The following TAOK1 variants were observed in gnomAD, a reference collection of about 807,000 sequenced individuals.
TAOK1 encodes serine/threonine-protein kinase TAO1.
A neutral mutation model predicts 138.3 loss-of-function variants in TAOK1; 21 were observed. The observed-to-expected ratio is 0.15, with a 90% confidence interval of 0.11 to 0.22. TAOK1 has a LOEUF of 0.22. Ranked by LOEUF, TAOK1 falls within the 10% of genes least tolerant of loss-of-function variation. The probability of loss-of-function intolerance (pLI) is 1.00; values close to 1 mark genes in which losing one functional copy is unlikely to be tolerated. For synonymous variants in TAOK1, 361 were observed against 398.4 expected (o/e 0.91, Z 1.12); for missense variants, 651 against 1,227.7 (o/e 0.53, Z 7.02).
At chr17:29,532,230 C>T (rs924042393) in intron 18 of TAOK1, among the ~76,000 whole-genome samples, 4 of 152,052 alleles carry the variant, frequency 2.6e-5, no homozygotes, top group Admixed American at 1.3e-4. Context: ...ACAAAACAGG[C>T]GCCTGCTCAT....
chr17:29,481,093 G>A (rs1202870674), intron 7 of TAOK1, among the ~76,000 whole-genome samples: 2 of 151,608 alleles, frequency 1.3e-5, no homozygotes, highest in African/African-American at 4.8e-5. Context: ...TATTGTGGCA[G>A]ATAATTTTCT....
At chr17:29,478,930 G>C (rs1390183990) in intron 6 of TAOK1, among the ~76,000 whole-genome samples, 1 of 152,102 alleles carries the variant, frequency 6.6e-6, no homozygotes, top group African/African-American at 2.4e-5. Context: ...AGACCAGCCT[G>C]GCCAACCAAT....
chr17:29,423,630 G>C (rs1454699228), intron 1 of TAOK1, among the ~76,000 whole-genome samples: 1 of 152,042 alleles, frequency 6.6e-6, no homozygotes, highest in Non-Finnish European at 1.5e-5. Context: ...TGTGTATTTA[G>C]AAGTGTGTTG....
chr17:29,517,666 A>G lies in TAOK1; in HGVS notation c.1908+10A>G, dbSNP rs546953467. The G allele has an allele frequency of 3.2e-6, 5 of 1,585,002 alleles. No individual in the cohort carries two copies. Among genetic ancestry groups the G allele is most frequent in the Admixed American group, 1.8e-5 (1 of 54,596 alleles). ...GGACCTTGTCAGGGAGGTAAGTTTG[A>G]GTGATGAGAAATTTTAAATCCTTTA... On this transcript the variant is annotated intron_variant, in intron 16 of 19. Coordinates refer to ENST00000261716, the MANE Select transcript of TAOK1 (RefSeq NM_020791.4).
intron 13 of TAOK1, among the ~76,000 whole-genome samples, chr17:29,504,484 C>G (rs1271367330): frequency 6.6e-6 from 1 of 151,672 alleles, no homozygotes; most frequent in East Asian, 1.9e-4. Context: ...ACCTGGCCAA[C>G]ATGGTGAAAC....
intron 1 of TAOK1, among the ~76,000 whole-genome samples, chr17:29,425,226 T>C (rs1441396710): frequency 6.6e-6 from 1 of 152,142 alleles, no homozygotes; most frequent in East Asian, 1.9e-4. Flanking sequence ...CACACCACCA[T>C]GCCCGGCTAA....
chr17:29,485,829 C>CT, intron 8 of TAOK1, among the ~76,000 whole-genome samples: 1 of 152,142 alleles, frequency 6.6e-6, no homozygotes, highest in Non-Finnish European at 1.5e-5. Flanking sequence ...GACATTGTTT[C>CT]TGAGATTTAC....
At chr17:29,511,953 T>A (rs1352261366) in intron 15 of TAOK1, 2 of 152,186 alleles carry the variant, frequency 1.3e-5, no homozygotes, top group African/African-American at 4.8e-5. Flanking sequence ...AGATATTTGC[T>A]TATCAGGTTT....
intron 1 of TAOK1, among the ~76,000 whole-genome samples, chr17:29,405,971 C>T (rs1904980472): frequency 1.3e-5 from 2 of 152,012 alleles, no homozygotes; most frequent in South Asian, 4.1e-4. Flanking sequence ...TTTGTAGATA[C>T]TGTGCCAGTA....
At chr17:29,431,953 T>A (rs1390395904) in intron 1 of TAOK1, among the ~76,000 whole-genome samples, 1 of 152,026 alleles carries the variant, frequency 6.6e-6, no homozygotes, top group Non-Finnish European at 1.5e-5. Context: ...ACTACAGGCG[T>A]GAGCCACCAC....
At chr17:29,532,447 A>C (rs1412478785) in intron 18 of TAOK1, among the ~76,000 whole-genome samples, 1 of 151,760 alleles carries the variant, frequency 6.6e-6, no homozygotes, top group Non-Finnish European at 1.5e-5. Flanking sequence ...CAGCAGATAA[A>C]CAAGTGAACA....
intron 1 of TAOK1, chr17:29,424,724 T>A (rs867915513): frequency 2.0e-5 from 3 of 152,170 alleles, no homozygotes; most frequent in Non-Finnish European, 4.4e-5. Context: ...TAGAAAATAG[T>A]TTGAAGTTTT....
At position 29,390,380 on chromosome 17, in the gene TAOK1, T is replaced by G. The variant is rs1411015722; in HGVS notation, c.-739T>G. 1 of 152,292 alleles carries G rather than the reference T, an allele frequency of 6.6e-6. No homozygotes were observed. 9.4% of individuals were successfully genotyped at this position (152,292 alleles called of 1,614,324 possible). A position where few individuals can be genotyped will look rare whatever the true frequency, so the allele number is the denominator to read the frequency against. Reference sequence around the variant, plus strand: ...GGGAAGCTGGGCAGCGGCCGGGCTCTGTGGCTTCAGGGCTCGGGGAGAGAG... The same window carrying G: ...GGGAAGCTGGGCAGCGGCCGGGCTCGGTGGCTTCAGGGCTCGGGGAGAGAG... On this transcript the variant is annotated 5_prime_UTR_variant, in exon 1 of 20. Coordinates refer to ENST00000261716, the MANE Select transcript of TAOK1 (RefSeq NM_020791.4).
chr17:29,432,933 A>G (rs1023250038), intron 1 of TAOK1, among the ~76,000 whole-genome samples: 52 of 151,920 alleles, frequency 3.4e-4, no homozygotes, highest in African/African-American at 1.2e-3. Flanking sequence ...CTAATTTTTA[A>G]AGTTTTTGTA....
At chr17:29,508,433 G>C (rs2031664280) in intron 14 of TAOK1, among the ~76,000 whole-genome samples, 1 of 152,176 alleles carries the variant, frequency 6.6e-6, no homozygotes, top group African/African-American at 2.4e-5. Flanking sequence ...AAAATTTTGA[G>C]TCTGAAAAAT....
At chr17:29,473,677 T>G (rs982029212) in intron 3 of TAOK1, among the ~76,000 whole-genome samples, 1 of 152,088 alleles carries the variant, frequency 6.6e-6, no homozygotes, top group African/African-American at 2.4e-5. Context: ...ATAACTTGCA[T>G]GTAGCCTCTA....
chr17:29,531,102 C>T (rs1264705621), intron 18 of TAOK1, among the ~76,000 whole-genome samples: 2 of 150,204 alleles, frequency 1.3e-5, no homozygotes, highest in African/African-American at 4.9e-5. Flanking sequence ...GCTGGGACTA[C>T]AGGCGCCTGC....
At chr17:29,493,956 G>A (rs942764207) in intron 10 of TAOK1, among the ~76,000 whole-genome samples, 6 of 151,612 alleles carry the variant, frequency 4.0e-5, no homozygotes, top group Admixed American at 6.6e-5. Context: ...TTGCTCTGTC[G>A]CACAGGCTGG....
intron 1 of TAOK1, among the ~76,000 whole-genome samples, chr17:29,434,072 G>C (rs946880841): frequency 4.6e-5 from 7 of 152,158 alleles, no homozygotes; most frequent in Admixed American, 1.3e-4. Context: ...AAGGGGCGGG[G>C]TAAGGAGAGC....
Sources: gnomAD v4.1 joint callset for allele counts (sites outside exome capture counted in the v4.1 genomes callset) on GRCh38, gnomAD v4.1.1 for gene constraint, MANE v1.5 for transcripts, NCBI Gene and HGNC (gene_info 2026-07-23, HGNC 2026-07-21) for gene names.